The following ITCH variants were observed in gnomAD, a reference collection of about 807,000 sequenced individuals.
ITCH encodes the protein itchy E3 ubiquitin protein ligase.
In ITCH, 28 loss-of-function variants were observed where a neutral mutation model predicts 126.8. The ratio of observed to expected loss-of-function variants is 0.22; its 90% CI spans 0.16 to 0.30. The LOEUF (loss-of-function observed/expected upper bound fraction) is 0.30, where lower values mean the gene tolerates loss of function less well. Among genes scored for constraint, ITCH ranks in the 10% least tolerant of loss-of-function variants. ITCH has a pLI of 1.00. For missense variants in ITCH, 631 were observed against 1,032.4 expected (o/e 0.61, Z 5.33); for synonymous variants, 342 against 340.0 (o/e 1.01, Z -0.06).
At chr20:34,365,646 ACCTCGTGATCCACCTG>A (rs1179768231) in intron 1 of ITCH, among the ~76,000 whole-genome samples, 1 of 151,984 alleles carries the variant, frequency 6.6e-6, no homozygotes, top group Non-Finnish European at 1.5e-5. Flanking sequence ...CGAACTCCTG[ACCTCGTGATCCACCTG>A]CCTTGGCCTC....
chr20:34,453,420 G>A (rs892976583), intron 12 of ITCH, among the ~76,000 whole-genome samples: 41 of 152,098 alleles, frequency 2.7e-4, no homozygotes, highest in African/African-American at 9.7e-4. Context: ...GGGGCAACAT[G>A]GTGAAACCCC....
At chr20:34,451,582 C>T (rs1278521212) in intron 12 of ITCH, among the ~76,000 whole-genome samples, 1 of 152,158 alleles carries the variant, frequency 6.6e-6, no homozygotes, top group Non-Finnish European at 1.5e-5. Flanking sequence ...GTATGAAGTA[C>T]TTTAGAAGAG....
chr20:34,382,165 C>T (rs1327744405), intron 2 of ITCH, among the ~76,000 whole-genome samples: 1 of 152,138 alleles, frequency 6.6e-6, no homozygotes, highest in Admixed American at 6.6e-5. Context: ...GTAGAATTGA[C>T]TTTGCTTTCA....
At chr20:34,454,424 A>T (rs1036492254) in intron 12 of ITCH, 2 of 152,196 alleles carry the variant, frequency 1.3e-5, no homozygotes, top group African/African-American at 4.8e-5. Context: ...GGTGTGAGCC[A>T]CCGCGCCCGG....
At chr20:34,399,416 A>G (rs1019621399) in intron 3 of ITCH, among the ~76,000 whole-genome samples, 4 of 152,114 alleles carry the variant, frequency 2.6e-5, no homozygotes, top group African/African-American at 9.7e-5. Flanking sequence ...TAAAATAAAA[A>G]TAAACAAATG....
intron 12 of ITCH, among the ~76,000 whole-genome samples, chr20:34,453,138 C>T (rs976222998): frequency 6.6e-6 from 1 of 152,234 alleles, no homozygotes; most frequent in Non-Finnish European, 1.5e-5. Context: ...ATCCGTTCTA[C>T]AGCCACAGCA....
intron 2 of ITCH, among the ~76,000 whole-genome samples, chr20:34,377,406 C>T (rs1225292689): frequency 1.3e-5 from 2 of 151,794 alleles, no homozygotes; most frequent in Admixed American, 6.6e-5. Context: ...AGTGTAATTG[C>T]TCATCACATT....
At chr20:34,466,541 C>A in intron 14 of ITCH, 1 of 444,036 alleles carries the variant, frequency 2.3e-6, no homozygotes, top group African/African-American at 2.1e-5. Context: ...GAATAAATTA[C>A]CGATAATATT....
chr20:34,463,798 T>G (rs1055079438), intron 14 of ITCH, among the ~76,000 whole-genome samples: 1 of 152,036 alleles, frequency 6.6e-6, no homozygotes, highest in African/African-American at 2.4e-5. Context: ...TGTTGTTGTT[T>G]TTTTTTTCTT....
intron 15 of ITCH, among the ~76,000 whole-genome samples, chr20:34,470,483 TAAGCAAACATTGTC>T (rs1421765701): frequency 4.6e-5 from 7 of 151,962 alleles, no homozygotes; most frequent in Non-Finnish European, 8.8e-5. Context: ...ACCATCTGAA[TAAGCAAACATTGTC>T]ACTTTTTCCT....
At chr20:34,376,449 A>AAAAT (rs772320833) in intron 2 of ITCH, among the ~76,000 whole-genome samples, 2,301 of 151,476 alleles carry the variant, frequency 0.015, 44 homozygotes, top group South Asian at 0.037. Flanking sequence ...CCGTGTCTCA[A>AAAAT]AAATAAATAC....
chr20:34,398,270 C>A (rs1461749385), intron 3 of ITCH, among the ~76,000 whole-genome samples: 1 of 151,858 alleles, frequency 6.6e-6, no homozygotes, highest in African/African-American at 2.4e-5. Flanking sequence ...GCTCTGTTGC[C>A]CAGGCTGGTC....
At position 34,462,207 on chromosome 20, in the gene ITCH, A is replaced by C; in HGVS notation, c.1410A>C (p.Thr470=). 1.2e-6 allele frequency: 2 copies of C among 1,613,894 alleles called. No homozygotes were observed. The highest frequency in any genetic ancestry group is 8.5e-7 in the Non-Finnish European group (1 of 1,179,828). Residue 470 remains threonine (T), a synonymous_variant, in exon 14 of 25, where the codon ACA becomes ACC. Coordinates refer to ENST00000374864, the MANE Select transcript of ITCH (RefSeq NM_031483.7). ...CTACCACCTATATAGATCCCCGCACAGGAAAATCTGCCCTGTAAGTTTTCT... is the reference window on the plus strand; with the variant it reads ...CTACCACCTATATAGATCCCCGCACCGGAAAATCTGCCCTGTAAGTTTTCT... ...RRTTTYIDPR[T]GKSALDNGPQ...
chr20:34,413,405 CAATTT>C (rs1330779784), intron 5 of ITCH, among the ~76,000 whole-genome samples: 4 of 152,018 alleles, frequency 2.6e-5, no homozygotes, highest in Admixed American at 6.6e-5. Flanking sequence ...TGTTTTTACT[CAATTT>C]AATTCAGGTA....
intron 7 of ITCH, among the ~76,000 whole-genome samples, chr20:34,431,221 C>T (rs1404603747): frequency 6.6e-6 from 1 of 152,016 alleles, no homozygotes; most frequent in African/African-American, 2.4e-5. Context: ...TGAGACCAGC[C>T]TGAGGGACAA....
At chr20:34,494,061 T>A (rs1447248479) in intron 23 of ITCH, among the ~76,000 whole-genome samples, 1 of 152,190 alleles carries the variant, frequency 6.6e-6, no homozygotes, top group Non-Finnish European at 1.5e-5. Flanking sequence ...AGACCCCGTC[T>A]CTACTAAAAA....
In ITCH at chr20:34,501,699, T is replaced by C. The variant is rs193089523; in HGVS notation, c.2417-2632T>C. On this transcript the variant is annotated intron_variant, in intron 23 of 24. Transcript: ENST00000374864. The stretch of plus-strand genomic sequence containing the variant: ...CTGAGGCAGGAGAATCGCTTGAACC[T>C]GGGAGGCAGAGGTTGCAGTGAGCCA... 1.0e-3 allele frequency among the ~76,000 whole-genome samples: 149 copies of C among 147,184 alleles called. 2 individuals are homozygous for C. Among genetic ancestry groups the C allele is most frequent in the Non-Finnish European group, 1.9e-3 (128 of 67,196 alleles).
In ITCH at chr20:34,480,666, A is replaced by G; in HGVS notation, c.1886A>G (p.Lys629Arg). 1 of 1,612,558 alleles carries G rather than the reference A, an allele frequency of 6.2e-7. No individual in the cohort carries two copies. The highest frequency in any genetic ancestry group is 8.5e-7 in the Non-Finnish European group (1 of 1,178,600). The change falls in exon 19 of 25, where the codon AAA becomes AGA. Residue 629 changes from lysine to arginine, a missense_variant. Physicochemically the swap from Lys to Arg is conservative, Grantham distance 26. This residue lies in a region of ITCH where 390 missense variants were observed against 731.6 expected (regional missense o/e 0.53). Transcript: ENST00000374864. ...SLPFYKRILN[K>R]PVGLKDLESI... is the part of the protein sequence containing the mutation. The stretch of plus-strand genomic sequence containing the variant: ...CCATTCTATAAGCGTATCTTGAACA[A>G]ACCAGTTGGACTCAAGGATTTAGAA...
rs2038208039 is a variant in ITCH at position 34,384,726 on chromosome 20, C to T, written c.-21-9065C>T. 4.8e-5 allele frequency among the ~76,000 whole-genome samples: 7 copies of T among 146,442 alleles called. No homozygotes were observed. The South Asian group carries it at 1.5e-3, about 32-fold the overall frequency. ...CCCAGGCTGGAGTGCAGTGGCATGT[C>T]CTCAGCTCACTGCAAGCTCTGCCTC... On this transcript the variant is annotated intron_variant, in intron 2 of 24. Transcript: ENST00000374864.
Sources: allele counts gnomAD v4.1 joint callset (sites outside exome capture counted in the v4.1 genomes callset), GRCh38; gene constraint gnomAD v4.1.1; regional missense constraint gnomAD v4.1.1; transcripts MANE v1.5; gene names NCBI Gene and HGNC (gene_info 2026-07-23, HGNC 2026-07-21).